ARSL: variants seen among roughly 807,000 people sequenced by gnomAD.
ARSL encodes arylsulfatase L.
A neutral mutation model predicts 31.1 loss-of-function variants in ARSL; 4 were observed. The ratio of observed to expected loss-of-function variants is 0.13; its 90% CI spans 0.06 to 0.29. The LOEUF is 0.29. Ranked by LOEUF, ARSL falls within the 10% of genes least tolerant of loss-of-function variation. The pLI is 1.00. For missense variants in ARSL, 312 were observed against 497.8 expected (o/e 0.63, Z 3.55); for synonymous variants, 198 against 209.9 (o/e 0.94, Z 0.49).
At chrX:2,960,956 T>C (rs535218130) in intron 1 of ARSL, among the ~76,000 whole-genome samples, 1 of 110,820 alleles carries the variant, frequency 9.0e-6, no homozygotes, top group African/African-American at 3.3e-5. Flanking sequence ...TGGTGGCTCA[T>C]GCCTGGAATC....
chrX:2,948,219 A>G (rs987515331), intron 6 of ARSL, among the ~76,000 whole-genome samples: 2 of 112,209 alleles, frequency 1.8e-5, no homozygotes, highest in African/African-American at 6.5e-5. Flanking sequence ...TACCATCTTT[A>G]CTAGAATGCC....
intron 7 of ARSL, among the ~76,000 whole-genome samples, chrX:2,943,416 A>T (rs904668802): frequency 5.4e-5 from 6 of 110,671 alleles, no homozygotes; most frequent in African/African-American, 2.0e-4. Flanking sequence ...ATTTTAGGCA[A>T]CGTACAAGGA....
At chrX:2,967,991 C>G (rs2089711354), upstream of ARSL, among the ~76,000 whole-genome samples, 1 of 112,240 alleles carries the variant, frequency 8.9e-6, no homozygotes, top group Non-Finnish European at 1.9e-5. Context: ...GAGATTTTCA[C>G]TGATGATTAT....
chrX:2,945,333 G>A (rs1569103530), intron 7 of ARSL, among the ~76,000 whole-genome samples: 1 of 111,813 alleles, frequency 8.9e-6, no homozygotes, highest in African/African-American at 3.3e-5. Context: ...GCAGGTCATG[G>A]GGCTTTTGTA....
chrX:2,953,745 G>A (rs2089490901), intron 4 of ARSL, among the ~76,000 whole-genome samples: 1 of 110,093 alleles, frequency 9.1e-6, no homozygotes, highest in Non-Finnish European at 1.9e-5. Flanking sequence ...CAGAGACAGG[G>A]TCTCACTCTG....
At chrX:2,960,009 C>A (rs2089587062) in intron 2 of ARSL, 3 of 217,110 alleles carry the variant, frequency 1.4e-5, no homozygotes, top group African/African-American at 9.0e-5. Flanking sequence ...GTGGCTCACG[C>A]CTGTAATCCC....
In ARSL at chrX:2,946,055, C is replaced by T. The variant is rs773935389; in HGVS notation, c.934G>A (p.Gly312Arg). 40 of 1,208,478 alleles carry T rather than the reference C, an allele frequency of 3.3e-5. No individual in the cohort carries two copies. The highest frequency in any genetic ancestry group is 1.5e-4 in the East Asian group (5 of 33,744). Residue 312 changes from glycine to arginine, a missense_variant, in exon 7 of 11, where the codon GGG (glycine) becomes AGG (arginine). Physicochemically the swap from Gly to Arg is moderately radical, Grantham distance 125. Coordinates refer to ENST00000381134, the MANE Select transcript of ARSL (RefSeq NM_000047.3). ...IPLITMENFL[G>R]KSLHGLYGDN... is the part of the protein sequence containing the mutation. The stretch of plus-strand genomic sequence containing the variant: ...CCATACAGCCCGTGGAGACTCTTCC[C>T]GAGGAAGTTCTCCATAGTGATAAGA...
At chrX:2,939,284 C>G (rs1464186931) in intron 8 of ARSL, among the ~76,000 whole-genome samples, 2 of 111,638 alleles carry the variant, frequency 1.8e-5, no homozygotes, top group East Asian at 5.7e-4. Flanking sequence ...CACCTGGGGC[C>G]CCCAGGAGTT....
At chrX:2,944,203 C>G (rs1036606944) in intron 7 of ARSL, among the ~76,000 whole-genome samples, 4 of 108,599 alleles carry the variant, frequency 3.7e-5, no homozygotes, top group Non-Finnish European at 7.6e-5. Flanking sequence ...TCCCTGTAAT[C>G]CCAGCACTTT....
At chrX:2,953,955 A>G (rs2089493666) in intron 4 of ARSL, among the ~76,000 whole-genome samples, 1 of 110,118 alleles carries the variant, frequency 9.1e-6, no homozygotes, top group South Asian at 3.9e-4. Context: ...TCCTAGACTC[A>G]AGTAAATCCT....
At chrX:2,952,620 C>T (rs1023061079) in intron 5 of ARSL, among the ~76,000 whole-genome samples, 1 of 111,487 alleles carries the variant, frequency 9.0e-6, no homozygotes, top group South Asian at 3.8e-4. Context: ...TAGATGGCAG[C>T]ACTAAACTAG....
At chrX:2,951,174 T>C (rs2089454987) in intron 5 of ARSL, among the ~76,000 whole-genome samples, 1 of 111,943 alleles carries the variant, frequency 8.9e-6, no homozygotes, top group Admixed American at 9.6e-5. Context: ...TTGCACCTTG[T>C]TTTGCAGTGC....
chrX:2,942,978 G>A, intron 8 of ARSL, 87 bp downstream of exon 8: 1 of 1,134,967 alleles, frequency 8.8e-7, no homozygotes, highest in Non-Finnish European at 1.2e-6. Flanking sequence ...CAATAATATT[G>A]ACCCTCCTGG....
rs2089434710 is a variant in ARSL, at chrX:2,949,587, C to A, written c.571G>T (p.Val191Phe). 1.7e-6 allele frequency: 2 copies of A among 1,208,993 alleles called. No homozygotes were observed. The highest frequency in any genetic ancestry group is 2.2e-6 in the Non-Finnish European group (2 of 895,098). ...CARWELSEKR[V>F]NLEQKLNFLF... ...AAGTTGAGTTTTTGTTCCAGGTTGA[C>A]ACGCTTCTCTGAGAGTTCCCAGCGG... Residue 191 changes from valine (V) to phenylalanine (F), a missense_variant, in exon 6 of 11, where the codon GTC (valine) becomes TTC (phenylalanine). By Grantham distance (50) the Val-to-Phe change is conservative (BLOSUM62 -1). Coordinates refer to ENST00000381134, the MANE Select transcript of ARSL (RefSeq NM_000047.3).
chrX:2,960,199 G>A (rs377568217), intron 2 of ARSL, among the ~76,000 whole-genome samples, 179 bp downstream of exon 2: 10 of 79,585 alleles, frequency 1.3e-4, no homozygotes, highest in Admixed American at 5.1e-4. Context: ...AACCCGGGAG[G>A]CGGAGCTTGC....
intron 9 of ARSL, among the ~76,000 whole-genome samples, chrX:2,937,413 A>G (rs757034999): frequency 7.0e-4 from 77 of 110,304 alleles, no homozygotes; most frequent in African/African-American, 2.5e-3. Flanking sequence ...AAAAGAAGAA[A>G]AAAAAGCTGA....
At chrX:2,951,614 C>CAAAAAAAAAAAA (rs1164575386) in intron 5 of ARSL, among the ~76,000 whole-genome samples, 1 of 28,884 alleles carries the variant, frequency 3.5e-5, no homozygotes, top group Non-Finnish European at 8.0e-5. Context: ...CCCATCTCTA[C>CAAAAAAAAAAAA]AAAAAAAAAA....
chrX:2,968,061 G>T, upstream of ARSL: 1 of 1,035,347 alleles, frequency 9.7e-7, no homozygotes, highest in Non-Finnish European at 1.3e-6. Flanking sequence ...TTGAAAAGAC[G>T]CAGTTTAGCA....
At position 2,944,410 on chromosome X, in the gene ARSL, T is replaced by C. The variant is rs1276557608; in HGVS notation, c.992-1211A>G. On this transcript the variant is annotated intron_variant, in intron 7 of 10. Transcript: ENST00000381134. ...CGGAGGTTGCAGTGAGCTGAGACCG[T>C]GCCATTGCACTCCAGCCTGGGCAAC... 5.9e-5 allele frequency among the ~76,000 whole-genome samples: 6 copies of C among 100,849 alleles called. No homozygotes were observed. In the East Asian group the frequency reaches 1.5e-3, roughly 26 times the overall value. The allele number at this position is 100,849 out of a possible 115,157, so 87.6% of individuals were successfully genotyped here. A position where few individuals can be genotyped will look rare whatever the true frequency, so the allele number is the denominator to read the frequency against.
Sources: allele counts gnomAD v4.1 joint callset (sites outside exome capture counted in the v4.1 genomes callset), GRCh38; gene constraint gnomAD v4.1.1; transcripts MANE v1.5; gene names NCBI Gene and HGNC (gene_info 2026-07-23, HGNC 2026-07-21).